MUSK: variants seen among roughly 807,000 people sequenced by gnomAD.
MUSK encodes the protein muscle associated receptor tyrosine kinase.
A neutral mutation model predicts 88.7 loss-of-function variants in MUSK; 55 were observed. The ratio of observed to expected loss-of-function variants is 0.62; its 90% confidence interval spans 0.50 to 0.78. The LOEUF (loss-of-function observed/expected upper bound fraction) is 0.78, where lower values mean the gene tolerates loss of function less well. Ranked by LOEUF, MUSK falls within the 30% of genes least tolerant of loss-of-function variation. MUSK has a pLI of 0.00. For missense variants in MUSK, 1,015 were observed against 1,074.3 expected, an observed-to-expected ratio of 0.94 and a Z score of 0.77; for synonymous variants, 387 against 391.9, an observed-to-expected ratio of 0.99 and a Z score of 0.15.
Position 110,687,247 on chromosome 9 carries a change from G to A in MUSK, c.337G>A (p.Gly113Arg). 1 of 1,613,822 alleles carries A rather than the reference G, an allele frequency of 6.2e-7. No individual in the cohort carries two copies. Among genetic ancestry groups the A allele is most frequent in the South Asian group, 1.1e-5 (1 of 91,080 alleles). ...TGTGGGAGGAGCTGTGGAGAGTTGT[G>A]GAGCCCTGCAAGTGAAGATGAGTGA... ...NGVGGAVESC[G>R]ALQVKMKPKI... Residue 113 changes from glycine (G) to arginine (R), a missense_variant, in exon 3 of 15, where the codon GGA becomes AGA. Transcript: ENST00000374448.
At chr9:110,713,435 T>G (rs2076702397) in intron 5 of MUSK, among the ~76,000 whole-genome samples, 1 of 152,064 alleles carries the variant, frequency 6.6e-6, no homozygotes, top group African/African-American at 2.4e-5. Flanking sequence ...AATTCTTGTA[T>G]TTTTAGTGGA....
intron 11 of MUSK, among the ~76,000 whole-genome samples, chr9:110,780,430 G>A (rs1417333999): frequency 1.3e-5 from 2 of 152,210 alleles, no homozygotes; most frequent in Non-Finnish European, 2.9e-5. Context: ...CTTACCTAGC[G>A]AATTAGCCAA....
chr9:110,779,058 C>T (rs1004916679), intron 11 of MUSK, among the ~76,000 whole-genome samples: 1 of 149,616 alleles, frequency 6.7e-6, no homozygotes, highest in Admixed American at 6.7e-5. Context: ...GTCAGTGTCT[C>T]TGTGTGTGTG....
chr9:110,708,137 TATC>T (rs1564235858), intron 5 of MUSK, among the ~76,000 whole-genome samples: 1 of 148,232 alleles, frequency 6.7e-6, no homozygotes, highest in East Asian at 2.0e-4. Flanking sequence ...TCTATCTATC[TATC>T]ATGTCACAGA....
At chr9:110,700,615 C>T (rs2076489180) in intron 5 of MUSK, among the ~76,000 whole-genome samples, 1 of 104,742 alleles carries the variant, frequency 9.5e-6, no homozygotes, top group South Asian at 2.9e-4. Flanking sequence ...CAAGATTTCT[C>T]TTCGAAAAAT....
chr9:110,708,805 ATAGT>A (rs999621629), intron 5 of MUSK, among the ~76,000 whole-genome samples: 3 of 152,164 alleles, frequency 2.0e-5, no homozygotes, highest in South Asian at 2.1e-4. Context: ...AAGTCAACAC[ATAGT>A]TAGGCCCTCT....
At chr9:110,688,893 C>A (rs556077240) in intron 3 of MUSK, among the ~76,000 whole-genome samples, 273 of 147,802 alleles carry the variant, frequency 1.8e-3, no homozygotes, top group Non-Finnish European at 3.2e-3. Context: ...TTTGTGTTAA[C>A]TGTTTTATTG....
Position 110,687,163 on chromosome 9 carries a change from A to C in MUSK, c.253A>C (p.Thr85Pro). 2 of 1,613,578 alleles carry C rather than the reference A, an allele frequency of 1.2e-6. No homozygotes were observed. The highest frequency in any genetic ancestry group is 1.7e-6 in the Non-Finnish European group (2 of 1,179,702). Residue 85 changes from threonine (T) to proline (P), a missense_variant, in exon 3 of 15, where the codon ACC (threonine) becomes CCC (proline). Coordinates refer to ENST00000374448, the MANE Select transcript of MUSK (RefSeq NM_005592.4). ...CATCCGGGAGAATGGGCAGCTCCTC[A>C]CCATCCTGAGTGTGGAAGACAGTGA... Reference protein sequence around the residue: ...YSIRENGQLLTILSVEDSDDG... With the variant: ...YSIRENGQLLPILSVEDSDDG...
intron 9 of MUSK, among the ~76,000 whole-genome samples, chr9:110,774,872 C>T (rs1333313781): frequency 7.3e-6 from 1 of 136,142 alleles, no homozygotes; most frequent in Non-Finnish European, 1.5e-5. Context: ...TATATACACA[C>T]ACACACACAC....
chr9:110,756,922 A>G (rs560459974), intron 7 of MUSK, among the ~76,000 whole-genome samples: 51 of 152,118 alleles, frequency 3.4e-4, no homozygotes, highest in African/African-American at 1.2e-3. Flanking sequence ...GTTTCCTATA[A>G]TCATTTGTCT....
Position 110,687,117 on chromosome 9 carries a change from A to C in MUSK, c.207A>C (p.Lys69Asn), listed in dbSNP as rs2076206381. The C allele has an allele frequency of 1.2e-6, 2 of 1,610,408 alleles. No individual in the cohort carries two copies. Among genetic ancestry groups the C allele is most frequent in the Non-Finnish European group, 1.7e-6 (2 of 1,178,028 alleles). Residue 69 changes from lysine to asparagine, a missense_variant and splice_region_variant, in exon 3 of 15, where the codon AAA (lysine) becomes AAC (asparagine). Physicochemically the swap from Lys to Asn is moderately conservative, Grantham distance 94. Transcript: ENST00000374448. Reference protein sequence around the residue: ...ISWTRNKILIKLFDTRYSIRE... With the variant: ...ISWTRNKILINLFDTRYSIRE... ...TGTCATTTTTTTCTGTGACCTGCAG[A>C]CTCTTTGACACCCGGTACAGCATCC...
intron 7 of MUSK, among the ~76,000 whole-genome samples, chr9:110,755,979 C>CATATATATATACATATATATATATACAT (rs2077316103): frequency 2.9e-5 from 3 of 102,518 alleles, no homozygotes; most frequent in Non-Finnish European, 6.0e-5. Context: ...TATATATATA[C>CATATATATATACATATATATATATACAT]ATATATATAT....
chr9:110,720,451 C>T (rs1587951744), intron 5 of MUSK, among the ~76,000 whole-genome samples: 2 of 151,952 alleles, frequency 1.3e-5, no homozygotes, highest in East Asian at 3.9e-4. Flanking sequence ...TTATTCAAGG[C>T]TAATATGAAC....
intron 5 of MUSK, among the ~76,000 whole-genome samples, chr9:110,715,923 A>G (rs1368957793): frequency 6.7e-6 from 1 of 149,382 alleles, no homozygotes; most frequent in Admixed American, 6.6e-5. Context: ...CTGAACGATG[A>G]GAACACATGG....
intron 3 of MUSK, among the ~76,000 whole-genome samples, chr9:110,689,966 ATATAT>A (rs2076294861): frequency 1.3e-5 from 1 of 75,798 alleles, no homozygotes; most frequent in African/African-American, 5.2e-5. Flanking sequence ...ATATATATTT[ATATAT>A]TATATTATAA....
At chr9:110,686,108 T>G (rs1010493220) in intron 2 of MUSK, among the ~76,000 whole-genome samples, 1 of 151,884 alleles carries the variant, frequency 6.6e-6, no homozygotes, top group African/African-American at 2.4e-5. Flanking sequence ...CAGGGCTGAG[T>G]TCCTTCTGGA....
At chr9:110,717,047 A>T (rs1005293611) in intron 5 of MUSK, among the ~76,000 whole-genome samples, 24 of 149,858 alleles carry the variant, frequency 1.6e-4, no homozygotes, top group Admixed American at 5.9e-4. Context: ...ATAGATAAAT[A>T]CTTTTGTAAT....
At chr9:110,713,859 G>C (rs1392171961) in intron 5 of MUSK, among the ~76,000 whole-genome samples, 1 of 152,084 alleles carries the variant, frequency 6.6e-6, no homozygotes, top group Non-Finnish European at 1.5e-5. Flanking sequence ...CCAGAGCTTA[G>C]ATCAAAAAAG....
chr9:110,689,713 A>ATATATAGTTATATATAAATATATAAC (rs1554735439), intron 3 of MUSK, among the ~76,000 whole-genome samples: 439 of 37,578 alleles, frequency 0.012, 30 homozygotes, highest in African/African-American at 0.076. Context: ...ATATATAACT[A>ATATATAGTTATATATAAATATATAAC]TATATGTTAT....
Sources: allele counts gnomAD v4.1 joint callset (sites outside exome capture counted in the v4.1 genomes callset), GRCh38; gene constraint gnomAD v4.1.1; transcripts MANE v1.5; gene names NCBI Gene and HGNC (gene_info 2026-07-23, HGNC 2026-07-21).